The following AK9 variants were observed in gnomAD, a reference collection of about 807,000 sequenced individuals.
AK9 encodes the protein adenylate kinase domain containing 1.
In AK9, 191 loss-of-function variants were observed where a neutral mutation model predicts 239.6. That is an observed-to-expected ratio of 0.80 (90% CI 0.71 to 0.90). The LOEUF (loss-of-function observed/expected upper bound fraction) is 0.90. AK9 is among the 40% of genes least tolerant of loss of function. The probability of loss-of-function intolerance (pLI) is 0.00; values close to 1 mark genes in which losing one functional copy is unlikely to be tolerated. For synonymous variants in AK9, 689 were observed against 721.0 expected (o/e 0.96, Z 0.71); for missense variants, 1,995 against 2,214.7 (o/e 0.90, Z 1.99).
intron 29 of AK9, chr6:109,527,840 T>G (rs1051592628): frequency 6.6e-6 from 1 of 151,876 alleles, no homozygotes; most frequent in African/African-American, 2.4e-5. Context: ...AATGAAAAAA[T>G]TATAAAGAAC....
At chr6:109,578,104 T>A (rs892310396) in intron 20 of AK9, among the ~76,000 whole-genome samples, 7 of 151,740 alleles carry the variant, frequency 4.6e-5, no homozygotes, top group Admixed American at 2.6e-4. Flanking sequence ...GCTAATTTTT[T>A]AAAAATTTTT....
chr6:109,654,597 C>T (rs1334002550), intron 8 of AK9, among the ~76,000 whole-genome samples: 9 of 152,122 alleles, frequency 5.9e-5, no homozygotes. Flanking sequence ...TCCCAAAGAG[C>T]TAGGATTACA....
chr6:109,549,934 G>C, intron 25 of AK9, 156 bp downstream of exon 25: 1 of 713,236 alleles, frequency 1.4e-6, no homozygotes, highest in South Asian at 2.0e-5. Context: ...AAAGTGCTGG[G>C]ATTACAGGCG....
Position 109,644,609 on chromosome 6 carries a change from C to T in AK9, c.834+5G>A. The stretch of plus-strand genomic sequence containing the variant: ...TGAAGTATTCCTGCTTAACACTGCA[C>T]TCACCATAAAGAGCTCCTCTGCTGG... On this transcript the variant is annotated splice_donor_5th_base_variant and intron_variant, in intron 9 of 40. Transcript: ENST00000424296. 6.2e-7 allele frequency: 1 copy of T among 1,607,562 alleles called. No individual in the cohort carries two copies. The highest frequency in any genetic ancestry group is 8.5e-7 in the Non-Finnish European group (1 of 1,177,646).
Position 109,679,322 on chromosome 6 carries a change from T to A in AK9, c.-11-3566A>T, listed in dbSNP as rs540145841. On this transcript the variant is annotated intron_variant, in intron 1 of 40. Coordinates refer to ENST00000424296, the MANE Select transcript of AK9 (RefSeq NM_001145128.3). ...TGAGTAGGTGATTTTCCCCTCACAG[T>A]GTAAACAAAGCCTTGGGGAAGTTCC... Among the ~76,000 whole-genome samples the A allele has an allele frequency of 2.0e-5, 3 of 152,062 alleles. No individual in the cohort carries two copies. In the East Asian group the frequency reaches 5.8e-4, roughly 29 times the overall value.
intron 1 of AK9, chr6:109,690,516 G>C (rs1160050933): frequency 2.0e-5 from 3 of 152,190 alleles, no homozygotes; most frequent in Non-Finnish European, 4.4e-5. Flanking sequence ...TGCCTCCAGG[G>C]ACTCCGCGGG....
intron 17 of AK9, 27 bp downstream of exon 17, chr6:109,610,338 T>C: frequency 1.3e-6 from 2 of 1,547,764 alleles, no homozygotes; most frequent in South Asian, 1.2e-5. Context: ...AAGTCACTGA[T>C]AAGAATTGCC....
chr6:109,646,060 G>C (rs1035409127), intron 8 of AK9, among the ~76,000 whole-genome samples: 11 of 152,120 alleles, frequency 7.2e-5, no homozygotes, highest in African/African-American at 2.7e-4. Context: ...CAACAAAAAG[G>C]ACATCGACAC....
At chr6:109,518,355 C>A (rs1779480317) in intron 29 of AK9, among the ~76,000 whole-genome samples, 1 of 152,040 alleles carries the variant, frequency 6.6e-6, no homozygotes, top group African/African-American at 2.4e-5. Context: ...AATTTTCTAT[C>A]CTGATATTTA....
chr6:109,633,574 TA>T (rs1438125662), intron 10 of AK9, among the ~76,000 whole-genome samples: 13 of 152,296 alleles, frequency 8.5e-5, no homozygotes, highest in Middle Eastern at 6.8e-3. Flanking sequence ...ACATTTATGT[TA>T]AAAAATCTTT....
At chr6:109,685,543 C>T (rs988936965) in intron 1 of AK9, among the ~76,000 whole-genome samples, 2 of 147,158 alleles carry the variant, frequency 1.4e-5, no homozygotes, top group Middle Eastern at 3.4e-3. Context: ...AACACATGGA[C>T]GTAGGGAGGG....
intron 38 of AK9, 109 bp downstream of exon 38, chr6:109,497,356 A>C (rs796585096): frequency 5.2e-6 from 3 of 578,482 alleles, no homozygotes; most frequent in Non-Finnish European, 6.0e-6. Context: ...ACACACACAC[A>C]CACACACTCT....
chr6:109,637,747 C>A (rs1213196013), intron 10 of AK9, among the ~76,000 whole-genome samples: 1 of 152,138 alleles, frequency 6.6e-6, no homozygotes, highest in East Asian at 1.9e-4. Context: ...AAATCACCTG[C>A]CTTTAGCTGA....
chr6:109,646,321 C>T (rs1021367344), intron 8 of AK9, among the ~76,000 whole-genome samples: 2 of 152,074 alleles, frequency 1.3e-5, no homozygotes, highest in Admixed American at 1.3e-4. Context: ...TGTTTGAACC[C>T]ATTGCAAGGA....
At chr6:109,688,936 C>T (rs987573782) in intron 1 of AK9, among the ~76,000 whole-genome samples, 10 of 152,136 alleles carry the variant, frequency 6.6e-5, no homozygotes, top group South Asian at 2.1e-4. Flanking sequence ...TCAGGGGATT[C>T]TCTGAGACAG....
chr6:109,571,201 T>C (rs1300028515), intron 21 of AK9, among the ~76,000 whole-genome samples: 2 of 152,182 alleles, frequency 1.3e-5, no homozygotes, highest in Admixed American at 6.6e-5. Flanking sequence ...ATGTGGAATT[T>C]GGGAGAAATC....
chr6:109,569,111 C>T (rs1353060191), intron 21 of AK9, among the ~76,000 whole-genome samples: 1 of 151,988 alleles, frequency 6.6e-6, no homozygotes, highest in Non-Finnish European at 1.5e-5. Context: ...AATAGAGCCC[C>T]TGGAAATAAT....
At chr6:109,565,082 G>A (rs1583027850) in intron 21 of AK9, among the ~76,000 whole-genome samples, 1 of 152,048 alleles carries the variant, frequency 6.6e-6, no homozygotes, top group Admixed American at 6.6e-5. Context: ...TTGACACATG[G>A]CACATACAAT....
At chr6:109,547,983 G>GAAATGC (rs1562388462) in intron 25 of AK9, among the ~76,000 whole-genome samples, 3 of 151,840 alleles carry the variant, frequency 2.0e-5, no homozygotes, top group African/African-American at 7.3e-5. Context: ...AATCATCAGG[G>GAAATGC]AAATGCAAAT....
Sources: gnomAD v4.1 joint callset for allele counts (sites outside exome capture counted in the v4.1 genomes callset) on GRCh38, gnomAD v4.1.1 for gene constraint, MANE v1.5 for transcripts, NCBI Gene and HGNC (gene_info 2026-07-23, HGNC 2026-07-21) for gene names.